Variants in SMARCC1 observed in about 807,000 individuals in gnomAD.
The protein encoded by SMARCC1 is SWI/SNF complex subunit SMARCC1.
In SMARCC1, 43 loss-of-function variants were observed where a neutral mutation model predicts 147.4. The observed-to-expected ratio is 0.29, with a 90% CI of 0.23 to 0.38. The LOEUF (loss-of-function observed/expected upper bound fraction) is 0.38, where lower values mean the gene tolerates loss of function less well. SMARCC1 is among the 10% of genes least tolerant of loss of function. The pLI, the probability that SMARCC1 is intolerant of heterozygous loss-of-function variation, is 1.00. For missense variants in SMARCC1, 1,119 were observed against 1,381.1 expected, an observed-to-expected ratio of 0.81 and a Z score of 3.01; for synonymous variants, 495 against 484.4, an observed-to-expected ratio of 1.02 and a Z score of -0.29.
chr3:47,655,085 A>G (rs140259935), intron 21 of SMARCC1, among the ~76,000 whole-genome samples: 1 of 152,364 alleles, frequency 6.6e-6, no homozygotes, highest in Non-Finnish European at 1.5e-5. Context: ...GCAAACTCAT[A>G]AAAAATGGTA....
rs2032951728 is a variant in SMARCC1 at position 47,635,173 on chromosome 3, G to A, written c.2646+17C>T. 1 of 1,611,108 alleles carries A rather than the reference G, an allele frequency of 6.2e-7. No individual in the cohort carries two copies. Among genetic ancestry groups the A allele is most frequent in the Non-Finnish European group, 8.5e-7 (1 of 1,178,182 alleles). ...ATGCCTTAAGAGAGCACTGGAAAAG[G>A]GCTGTCAGGGGCAAACCTTGGCTTT... is the stretch of plus-strand genomic sequence containing the variant. On this transcript the variant is annotated intron_variant, in intron 24 of 27. Coordinates refer to ENST00000254480, the MANE Select transcript of SMARCC1 (RefSeq NM_003074.4).
intron 2 of SMARCC1, among the ~76,000 whole-genome samples, chr3:47,772,392 G>C (rs1056776989): frequency 2.6e-5 from 4 of 152,102 alleles, no homozygotes; most frequent in African/African-American, 7.2e-5. Context: ...GATCCTGTCT[G>C]TAAAAACAAA....
intron 22 of SMARCC1, among the ~76,000 whole-genome samples, chr3:47,638,511 AAGAAG>A (rs1363095406): frequency 1.3e-5 from 2 of 152,206 alleles, no homozygotes; most frequent in Non-Finnish European, 2.9e-5. Flanking sequence ...TAAAATATAA[AAGAAG>A]AGGATAGGGA....
At chr3:47,726,055 C>CT (rs2034295744) in intron 6 of SMARCC1, among the ~76,000 whole-genome samples, 1 of 21,294 alleles carries the variant, frequency 4.7e-5, no homozygotes, top group Admixed American at 5.1e-4. Flanking sequence ...GAGTGAGACT[C>CT]TGTCTCAAAA....
chr3:47,633,775 TATATACAC>T (rs1455148496), intron 24 of SMARCC1, among the ~76,000 whole-genome samples: 9 of 18,638 alleles, frequency 4.8e-4, no homozygotes, highest in African/African-American at 8.5e-4. Flanking sequence ...TATATATATA[TATATACAC>T]ACACACACAC....
chr3:47,688,025 C>T (rs759180150), intron 13 of SMARCC1, among the ~76,000 whole-genome samples: 3 of 151,960 alleles, frequency 2.0e-5, no homozygotes, highest in African/African-American at 4.8e-5. Context: ...TTTGGGAGGC[C>T]GAGGCAGGTG....
intron 27 of SMARCC1, 112 bp from the exon 28 acceptor site, chr3:47,588,418 C>T (rs576968749): frequency 1.1e-6 from 1 of 895,332 alleles, no homozygotes; most frequent in East Asian, 2.7e-5. Flanking sequence ...GGCAGGCAAC[C>T]AATGCACCCT....
At chr3:47,594,010 C>T (rs1385006486) in intron 26 of SMARCC1, among the ~76,000 whole-genome samples, 2 of 151,986 alleles carry the variant, frequency 1.3e-5, no homozygotes, top group Non-Finnish European at 2.9e-5. Flanking sequence ...ACTAAAAATA[C>T]AAAAATTAGC....
intron 7 of SMARCC1, among the ~76,000 whole-genome samples, chr3:47,717,165 G>A (rs1316760316): frequency 2.0e-5 from 3 of 152,058 alleles, no homozygotes; most frequent in Admixed American, 6.5e-5. Context: ...TAAAAACAAT[G>A]CAAAACCTGA....
chr3:47,743,509 T>C (rs1175558925), intron 3 of SMARCC1, among the ~76,000 whole-genome samples: 1 of 151,884 alleles, frequency 6.6e-6, no homozygotes, highest in Non-Finnish European at 1.5e-5. Context: ...TGCAAGTGAT[T>C]TCAGATAAAA....
At chr3:47,702,582 C>G (rs535118745) in intron 10 of SMARCC1, among the ~76,000 whole-genome samples, 1 of 151,982 alleles carries the variant, frequency 6.6e-6, no homozygotes, top group Non-Finnish European at 1.5e-5. Flanking sequence ...AGGGCGAGAC[C>G]CCATCTCTAC....
At chr3:47,692,174 AG>A (rs2033797457) in intron 12 of SMARCC1, among the ~76,000 whole-genome samples, 1 of 152,234 alleles carries the variant, frequency 6.6e-6, no homozygotes, top group East Asian at 1.9e-4. Context: ...AGTGAAGAAA[AG>A]AAATCAAGCC....
chr3:47,655,688 G>A (rs769779554), intron 21 of SMARCC1, among the ~76,000 whole-genome samples: 6 of 151,724 alleles, frequency 4.0e-5, no homozygotes, highest in African/African-American at 9.7e-5. Context: ...GTGACAGAGC[G>A]AGACTCTGTC....
In SMARCC1 at chr3:47,670,733, C is replaced by A; in HGVS notation, c.1840-16G>T. The A allele has an allele frequency of 1.3e-6, 2 of 1,521,278 alleles. No homozygotes were observed. The highest frequency in any genetic ancestry group is 1.1e-5 in the South Asian group (1 of 89,396). The allele number at this position is 1,521,278 out of a possible 1,614,324, so 94.2% of individuals were successfully genotyped here. A position where few individuals can be genotyped will look rare whatever the true frequency, so the allele number is the denominator to read the frequency against. On this transcript the variant is annotated splice_polypyrimidine_tract_variant and intron_variant, in intron 18 of 27. Coordinates refer to ENST00000254480, the MANE Select transcript of SMARCC1 (RefSeq NM_003074.4). ...CACCTTTACTCTAAGGAAACAAAATCAGAAATTATTTGCTCATTTTTAAAT... is the reference window on the plus strand; with the variant it reads ...CACCTTTACTCTAAGGAAACAAAATAAGAAATTATTTGCTCATTTTTAAAT...
intron 10 of SMARCC1, among the ~76,000 whole-genome samples, chr3:47,702,731 T>G (rs2033938816): frequency 6.6e-6 from 1 of 152,188 alleles, no homozygotes; most frequent in South Asian, 2.1e-4. Flanking sequence ...CCTGAGTAGC[T>G]GAGACTATAG....
chr3:47,721,116 G>A (rs1283470211), intron 6 of SMARCC1, among the ~76,000 whole-genome samples: 2 of 151,984 alleles, frequency 1.3e-5, no homozygotes, highest in Non-Finnish European at 2.9e-5. Flanking sequence ...TTTCTGTGAG[G>A]CTTAGCAATT....
At chr3:47,595,022 T>C (rs1466846695) in intron 26 of SMARCC1, among the ~76,000 whole-genome samples, 1 of 152,162 alleles carries the variant, frequency 6.6e-6, no homozygotes, top group Non-Finnish European at 1.5e-5. Context: ...GTTTGCAACA[T>C]TTTGGGATTG....
At chr3:47,778,855 G>T (rs2035009542) in intron 1 of SMARCC1, among the ~76,000 whole-genome samples, 1 of 151,750 alleles carries the variant, frequency 6.6e-6, no homozygotes, top group South Asian at 2.1e-4. Flanking sequence ...AGGTGTGGTG[G>T]TTCGTGCCTG....
At chr3:47,777,862 A>T (rs1272959924) in intron 1 of SMARCC1, among the ~76,000 whole-genome samples, 7 of 152,052 alleles carry the variant, frequency 4.6e-5, no homozygotes, top group Admixed American at 4.6e-4. Context: ...AAAATATTTA[A>T]TTCTGATTAG....
Sources: allele counts gnomAD v4.1 joint callset (sites outside exome capture counted in the v4.1 genomes callset), GRCh38; gene constraint gnomAD v4.1.1; transcripts MANE v1.5; gene names NCBI Gene and HGNC (gene_info 2026-07-23, HGNC 2026-07-21).